The following JMJD1C variants were observed in gnomAD, a reference collection of about 807,000 sequenced individuals.
The protein encoded by JMJD1C is jumonji domain-containing protein 1C.
A neutral mutation model predicts 245.3 loss-of-function variants in JMJD1C; 31 were observed. The ratio of observed to expected loss-of-function variants is 0.13; its 90% CI spans 0.09 to 0.17. JMJD1C has a LOEUF of 0.17. JMJD1C is among the 10% of genes least tolerant of loss of function. The pLI is 1.00. For synonymous variants in JMJD1C, 1,057 were observed against 1,017.4 expected, an observed-to-expected ratio of 1.04 and a Z score of -0.74; for missense variants, 2,691 against 3,000.2, an observed-to-expected ratio of 0.90 and a Z score of 2.41.
Position 63,275,640 on chromosome 10 carries a change from A to AT in JMJD1C, c.334-10877dup, listed in dbSNP as rs1464327339. On this transcript the variant is annotated intron_variant, in intron 2 of 25. Transcript: ENST00000399262. ...TTACTATGGAAAATATGAACTAGAG[A>AT]TTAAAAAAAACTAAAGATTAAATGA... Among the ~76,000 whole-genome samples, 3 of 152,242 alleles carry AT rather than the reference A, an allele frequency of 2.0e-5. No homozygotes were observed. The East Asian group carries it at 5.8e-4, about 29-fold the overall frequency.
chr10:63,217,433 T>C, intron 4 of JMJD1C, 102 bp from the exon 5 acceptor site: 1 of 883,482 alleles, frequency 1.1e-6, no homozygotes, highest in South Asian at 2.3e-5. Flanking sequence ...TAGTAATATA[T>C]CCAACTATCA....
chr10:63,402,879 T>A (rs1476828267), intron 1 of JMJD1C, among the ~76,000 whole-genome samples: 1 of 152,224 alleles, frequency 6.6e-6, no homozygotes, highest in East Asian at 1.9e-4. Flanking sequence ...AAACTCTTTA[T>A]GCTAGTTAAG....
intron 2 of JMJD1C, among the ~76,000 whole-genome samples, chr10:63,269,736 C>G (rs1274508342): frequency 1.3e-5 from 2 of 152,102 alleles, no homozygotes; most frequent in African/African-American, 2.4e-5. Flanking sequence ...AAATATTCCT[C>G]AACCATTTTC....
At chr10:63,410,561 G>A (rs1564890959) in intron 1 of JMJD1C, among the ~76,000 whole-genome samples, 1 of 152,190 alleles carries the variant, frequency 6.6e-6, no homozygotes, top group African/African-American at 2.4e-5. Flanking sequence ...ATTAATGACA[G>A]AGCCAGGACC....
intron 3 of JMJD1C, among the ~76,000 whole-genome samples, chr10:63,262,044 C>T (rs1291084810): frequency 6.6e-6 from 1 of 152,106 alleles, no homozygotes; most frequent in African/African-American, 2.4e-5. Flanking sequence ...AAGAAACTGC[C>T]TCATGAAATT....
chr10:63,292,871 C>T (rs1004607879), intron 2 of JMJD1C, among the ~76,000 whole-genome samples: 5 of 152,022 alleles, frequency 3.3e-5, no homozygotes, highest in Admixed American at 1.3e-4. Flanking sequence ...ATGGTGAAAC[C>T]CCTCTCTACA....
At chr10:63,472,925 C>A (rs1953538521) in intron 1 of JMJD1C, among the ~76,000 whole-genome samples, 1 of 151,444 alleles carries the variant, frequency 6.6e-6, no homozygotes. Context: ...GGTGGGACTA[C>A]AGGCGAGCGC....
At chr10:63,414,873 C>T (rs1259998197) in intron 1 of JMJD1C, among the ~76,000 whole-genome samples, 1 of 149,930 alleles carries the variant, frequency 6.7e-6, no homozygotes, top group Admixed American at 6.7e-5. Context: ...GGCCACTGCA[C>T]TCCAGCCTGG....
intron 1 of JMJD1C, among the ~76,000 whole-genome samples, chr10:63,512,854 C>G (rs923353641): frequency 1.3e-5 from 2 of 152,076 alleles, no homozygotes; most frequent in African/African-American, 4.8e-5. Context: ...TCTCACAGTT[C>G]TTGCACATTC....
chr10:63,362,949 T>C, intron 2 of JMJD1C, among the ~76,000 whole-genome samples: 1 of 152,146 alleles, frequency 6.6e-6, no homozygotes, highest in Non-Finnish European at 1.5e-5. Flanking sequence ...TTATTACCAG[T>C]ATTTATTATT....
In JMJD1C at chr10:63,271,152, G is replaced by T. The variant is rs978391565; in HGVS notation, c.334-6388C>A. Among the ~76,000 whole-genome samples, 25 of 151,994 alleles carry T rather than the reference G, an allele frequency of 1.6e-4. 1 individual carries two copies. The highest frequency in any genetic ancestry group is 5.6e-4 in the African/African-American group (23 of 41,376). The stretch of plus-strand genomic sequence containing the variant: ...AGAAATATTTAATTTATTTTAAAAA[G>T]ATGTATGTAAATAGTCTTTTTTTTC... On this transcript the variant is annotated intron_variant, in intron 2 of 25. Transcript: ENST00000399262.
intron 3 of JMJD1C, among the ~76,000 whole-genome samples, chr10:63,238,952 G>A (rs994997791): frequency 6.6e-5 from 10 of 152,154 alleles, no homozygotes; most frequent in African/African-American, 2.4e-4. Context: ...ACACAAATAC[G>A]ATACAGATTA....
chr10:63,291,768 C>T (rs1366987851), intron 2 of JMJD1C, among the ~76,000 whole-genome samples: 1 of 152,116 alleles, frequency 6.6e-6, no homozygotes, highest in African/African-American at 2.4e-5. Flanking sequence ...GCCACTGTGC[C>T]CAGCTGGAAT....
intron 1 of JMJD1C, among the ~76,000 whole-genome samples, chr10:63,478,695 A>T (rs1442822959): frequency 6.6e-6 from 1 of 152,208 alleles, no homozygotes; most frequent in Non-Finnish European, 1.5e-5. Context: ...TCCCAGCAAC[A>T]ACATATGCAC....
rs145932298 is a variant in JMJD1C at position 63,368,594 on chromosome 10, T to A, written c.333+11724A>T. Among the ~76,000 whole-genome samples, 1,329 of 152,306 alleles carry A rather than the reference T, an allele frequency of 8.7e-3. 21 individuals are homozygous for A. The highest frequency in any genetic ancestry group is 0.03 in the African/African-American group (1,255 of 41,560). ...TCCTCTGCAATTCTTACTGATTTGTTCTGTAATAAAACAGCATCACGTTGT... is the reference window on the plus strand; with the variant it reads ...TCCTCTGCAATTCTTACTGATTTGTACTGTAATAAAACAGCATCACGTTGT... On this transcript the variant is annotated intron_variant, in intron 2 of 25. Transcript: ENST00000399262.
At chr10:63,199,706 T>C (rs890158951) in intron 11 of JMJD1C, among the ~76,000 whole-genome samples, 4 of 152,138 alleles carry the variant, frequency 2.6e-5, no homozygotes, top group Non-Finnish European at 5.9e-5. Flanking sequence ...TCTTGTCTTT[T>C]AGGGATTGTT....
intron 1 of JMJD1C, among the ~76,000 whole-genome samples, chr10:63,453,614 G>A (rs911874572): frequency 6.6e-6 from 1 of 152,120 alleles, no homozygotes; most frequent in Non-Finnish European, 1.5e-5. Flanking sequence ...TGATGCCAAA[G>A]GAAAAATTTT....
At chr10:63,382,328 A>G (rs372944448) in intron 1 of JMJD1C, among the ~76,000 whole-genome samples, 57 of 152,322 alleles carry the variant, frequency 3.7e-4, no homozygotes, top group African/African-American at 1.3e-3. Flanking sequence ...GACAATATGT[A>G]AACAATTGAG....
At chr10:63,345,651 G>C (rs577662102) in intron 2 of JMJD1C, among the ~76,000 whole-genome samples, 23 of 152,254 alleles carry the variant, frequency 1.5e-4, no homozygotes, top group Admixed American at 1.3e-3. Flanking sequence ...AAACTAGCCA[G>C]AGGTTAGGAG....
Sources: allele counts gnomAD v4.1 joint callset (sites outside exome capture counted in the v4.1 genomes callset), GRCh38; gene constraint gnomAD v4.1.1; transcripts MANE v1.5; gene names NCBI Gene and HGNC (gene_info 2026-07-23, HGNC 2026-07-21).